MTFR2: variants seen among roughly 807,000 people sequenced by gnomAD.
The protein encoded by MTFR2 is DUF729 domain-containing protein 1.
Under a neutral mutation model 41.2 loss-of-function variants are expected in MTFR2, and 44 were observed. That is an observed-to-expected ratio of 1.07 (90% CI 0.84 to 1.37). The LOEUF is 1.37. Ranked by LOEUF, MTFR2 falls within the 40% of genes most tolerant of loss-of-function variation. The pLI is 0.00. For synonymous variants in MTFR2, 141 were observed against 154.6 expected (o/e 0.91, Z 0.65); for missense variants, 452 against 459.5 (o/e 0.98, Z 0.15).
In MTFR2 at chr6:136,244,844, T is replaced by C; in HGVS notation, c.89A>G (p.Asp30Gly). ...AACAATACTCCTAGTTGATCCATAG[T>C]CTTTATTTTCCCAAATCAGCAAAAC... Reference protein sequence around the residue: ...EQVLLIWENKDYGSTRSIVRI... With the variant: ...EQVLLIWENKGYGSTRSIVRI... Residue 30 changes from aspartate (D) to glycine (G), a missense_variant, in exon 3 of 8, where the codon GAC (aspartate) becomes GGC (glycine). By Grantham distance (94) the Asp-to-Gly change is moderately conservative. Coordinates refer to ENST00000420702, the MANE Select transcript of MTFR2 (RefSeq NM_001099286.3). The C allele has an allele frequency of 1.9e-6, 3 of 1,610,924 alleles. No homozygotes were observed. Among genetic ancestry groups the C allele is most frequent in the East Asian group, 2.2e-5 (1 of 44,698 alleles).
At chr6:136,239,320 T>A (rs751988457) in intron 6 of MTFR2, 146 bp downstream of exon 6, 21 of 543,314 alleles carry the variant, frequency 3.9e-5, no homozygotes, top group Non-Finnish European at 5.6e-5. Context: ...CAAAAATAAT[T>A]GAATGTCATT....
intron 3 of MTFR2, 120 bp from the exon 4 acceptor site, chr6:136,243,093 T>G: frequency 3.5e-6 from 2 of 565,436 alleles, no homozygotes; most frequent in Non-Finnish European, 5.7e-6. Flanking sequence ...GAATATTCAA[T>G]AGAAAAACAT....
intron 2 of MTFR2, among the ~76,000 whole-genome samples, 166 bp from the exon 3 acceptor site, chr6:136,245,035 G>A (rs1362612667): frequency 6.6e-6 from 1 of 151,826 alleles, no homozygotes; most frequent in Non-Finnish European, 1.5e-5. Flanking sequence ...AATATAGAAT[G>A]GCAGAGCCTT....
At chr6:136,246,751 C>A (rs1366708983) in intron 2 of MTFR2, among the ~76,000 whole-genome samples, 4 of 152,210 alleles carry the variant, frequency 2.6e-5, no homozygotes, top group African/African-American at 9.6e-5. Context: ...TGCTCCCACA[C>A]TGCTAATGAA....
At chr6:136,234,175 T>G (rs947046085) in intron 6 of MTFR2, among the ~76,000 whole-genome samples, 1 of 150,604 alleles carries the variant, frequency 6.6e-6, no homozygotes, top group Non-Finnish European at 1.5e-5. Context: ...CTAGAAAAAA[T>G]TTAAAAATTA....
intron 4 of MTFR2, 145 bp downstream of exon 4, chr6:136,242,716 A>G (rs1481308827): frequency 7.3e-6 from 4 of 545,378 alleles, no homozygotes; most frequent in Non-Finnish European, 1.2e-5. Flanking sequence ...AAAAGCAGCC[A>G]GTCTTCTTTA....
intron 2 of MTFR2, 75 bp from the exon 3 acceptor site, chr6:136,244,944 G>T: frequency 8.9e-7 from 1 of 1,128,398 alleles, no homozygotes; most frequent in Non-Finnish European, 1.2e-6. Context: ...AAAAGGAGAT[G>T]TAAAAAAGAC....
At chr6:136,240,719 G>A (rs1159515442) in intron 5 of MTFR2, among the ~76,000 whole-genome samples, 2 of 152,116 alleles carry the variant, frequency 1.3e-5, no homozygotes, top group Non-Finnish European at 2.9e-5. Context: ...ATAAACATAT[G>A]ATGCCTCAAA....
At chr6:136,240,522 A>C (rs900257820) in intron 5 of MTFR2, among the ~76,000 whole-genome samples, 1 of 152,190 alleles carries the variant, frequency 6.6e-6, no homozygotes, top group Non-Finnish European at 1.5e-5. Context: ...CTTTACAGCC[A>C]AATCTGTTGT....
intron 7 of MTFR2, among the ~76,000 whole-genome samples, chr6:136,231,690 A>AAAAAAAAAAC (rs1562205311): frequency 6.7e-6 from 1 of 149,316 alleles, no homozygotes; most frequent in African/African-American, 2.5e-5. Context: ...AAAAAAAAAA[A>AAAAAAAAAAC]AAGAAGATTA....
chr6:136,241,097 A>T (rs1780059926), intron 5 of MTFR2, among the ~76,000 whole-genome samples: 1 of 152,144 alleles, frequency 6.6e-6, no homozygotes, highest in South Asian at 2.1e-4. Context: ...TCTCAAAAAA[A>T]AAAAAAAAAA....
rs2274140 is a variant in MTFR2 at position 136,233,490 on chromosome 6, G to A, written c.879C>T (p.Gly293=). The change falls in exon 7 of 8, where the codon GGC becomes GGT. Residue 293 remains glycine (G), a synonymous_variant. Transcript: ENST00000420702. The part of the protein sequence containing the change: ...VKLRAIERSP[G]GRPIHKRKRQ... ...TTTTCCTCTTATGAATGGGTCTACCGCCAGGTGACCTATTTTTTAAAAAAA... is the reference window on the plus strand; with the variant it reads ...TTTTCCTCTTATGAATGGGTCTACCACCAGGTGACCTATTTTTTAAAAAAA... 5.7e-3 allele frequency: 8,486 copies of A among 1,495,042 alleles called. 227 individuals carry two copies. In the Admixed American group the frequency reaches 0.068, roughly 12 times the overall value. 92.6% of individuals were successfully genotyped at this position (1,495,042 alleles called of 1,614,324 possible). A position where few individuals can be genotyped will look rare whatever the true frequency, so the allele number is the denominator to read the frequency against.
At chr6:136,239,185 G>A (rs1779982752) in intron 6 of MTFR2, among the ~76,000 whole-genome samples, 2 of 152,140 alleles carry the variant, frequency 1.3e-5, no homozygotes, top group Admixed American at 1.3e-4. Flanking sequence ...CCTGGGTAGA[G>A]TATCTAAGAA....
At chr6:136,242,188 A>G (rs925879386) in intron 4 of MTFR2, among the ~76,000 whole-genome samples, 4 of 152,072 alleles carry the variant, frequency 2.6e-5, no homozygotes, top group Non-Finnish European at 2.9e-5. Context: ...TTGTATTCCC[A>G]ATATAAACAG....
At chr6:136,237,500 A>G (rs917332955) in intron 6 of MTFR2, among the ~76,000 whole-genome samples, 31 of 152,202 alleles carry the variant, frequency 2.0e-4, no homozygotes, top group Admixed American at 7.2e-4. Flanking sequence ...TTTGAAGAAA[A>G]AGAAACAGCT....
At chr6:136,234,360 G>C (rs1329285246) in intron 6 of MTFR2, among the ~76,000 whole-genome samples, 1 of 151,162 alleles carries the variant, frequency 6.6e-6, no homozygotes, top group Non-Finnish European at 1.5e-5. Flanking sequence ...ATGTAATAGT[G>C]ATTAGGGACA....
chr6:136,239,438 G>C (rs755291469), intron 6 of MTFR2, 28 bp downstream of exon 6: 28 of 1,510,096 alleles, frequency 1.9e-5, no homozygotes, highest in Non-Finnish European at 2.4e-5. Context: ...CAAAATTTCA[G>C]TTCACTTTTC....
chr6:136,248,848 A>T, intron 2 of MTFR2, 189 bp downstream of exon 2: 1 of 548,846 alleles, frequency 1.8e-6, no homozygotes, highest in Non-Finnish European at 3.1e-6. Flanking sequence ...TCAGGTAAAT[A>T]TGTTCTCAAT....
intron 6 of MTFR2, among the ~76,000 whole-genome samples, chr6:136,233,755 C>G (rs190834824): frequency 6.6e-6 from 1 of 151,886 alleles, no homozygotes; most frequent in East Asian, 1.9e-4. Flanking sequence ...TCAGATGTCA[C>G]TATGCTGAAG....
Sources: allele counts gnomAD v4.1 joint callset (sites outside exome capture counted in the v4.1 genomes callset), GRCh38; gene constraint gnomAD v4.1.1; transcripts MANE v1.5; gene names NCBI Gene and HGNC (gene_info 2026-07-23, HGNC 2026-07-21).